SLC2A9: variants seen among roughly 807,000 people sequenced by gnomAD.
The protein encoded by SLC2A9 is solute carrier family 2 member 9, also known as solute carrier family 2, facilitated glucose transporter member 9.
SLC2A9 carries 39 observed loss-of-function variants against 50.6 expected under a neutral mutation model. The observed-to-expected ratio is 0.77, with a 90% CI of 0.60 to 1.01. SLC2A9 has a LOEUF of 1.01. SLC2A9 is among the 50% of genes least tolerant of loss of function. The probability of loss-of-function intolerance (pLI) is 0.00; values close to 1 mark genes in which losing one functional copy is unlikely to be tolerated. For missense variants in SLC2A9, 686 were observed against 677.6 expected, an observed-to-expected ratio of 1.01 and a Z score of -0.14; for synonymous variants, 324 against 276.9, an observed-to-expected ratio of 1.17 and a Z score of -1.69.
At chr4:9,946,984 C>T (rs1749296792) in intron 5 of SLC2A9, among the ~76,000 whole-genome samples, 3 of 152,316 alleles carry the variant, frequency 2.0e-5, no homozygotes, top group East Asian at 3.9e-4. Context: ...TCCCATACCC[C>T]TTCCTCCAAG....
At chr4:9,835,301 G>A (rs974093139) in intron 10 of SLC2A9, among the ~76,000 whole-genome samples, 3 of 108,898 alleles carry the variant, frequency 2.8e-5, no homozygotes. Flanking sequence ...AAACTCACAT[G>A]TGGTCTCAGG....
chr4:9,899,972 C>T (rs1288194962), intron 8 of SLC2A9, among the ~76,000 whole-genome samples: 5 of 152,152 alleles, frequency 3.3e-5, no homozygotes, highest in African/African-American at 4.8e-5. Flanking sequence ...CCCCCTCATG[C>T]TCTTACTCTT....
At chr4:9,782,188 G>T in intron 3 of SLC2A9, 3 of 1,606,808 alleles carry the variant, frequency 1.9e-6, no homozygotes, top group Non-Finnish European at 2.6e-6. Flanking sequence ...TCATCATCTG[G>T]ACCCTGCTGG....
rs776161015 is a variant in SLC2A9 at position 9,783,289 on chromosome 4, C to T, written n.386-3224G>A. 4.3e-6 allele frequency: 7 copies of T among 1,614,106 alleles called. No individual in the cohort carries two copies. The Admixed American group carries it at 5.0e-5, about 12-fold the overall frequency. On this transcript the variant is annotated intron_variant and non_coding_transcript_variant, in intron 3 of 3. Coordinates refer to the SLC2A9 transcript ENST00000503803. ...ACATGATGCCCAACGCCGTTACCCC[C>T]GGCAACCGGGAGGTGGACAACGACG...
intron 10 of SLC2A9, among the ~76,000 whole-genome samples, chr4:9,845,477 T>A (rs1248373455): frequency 7.1e-6 from 1 of 139,974 alleles, no homozygotes; most frequent in African/African-American, 2.8e-5. Context: ...TCGCCCAGGC[T>A]GGAGTGCAGT....
At chr4:9,846,728 C>T (rs1560185449) in intron 10 of SLC2A9, among the ~76,000 whole-genome samples, 1 of 152,146 alleles carries the variant, frequency 6.6e-6, no homozygotes, top group Non-Finnish European at 1.5e-5. Flanking sequence ...AACTCTTGCC[C>T]AAGTAACCAG....
chr4:9,958,331 T>G (rs576502009), intron 5 of SLC2A9, among the ~76,000 whole-genome samples: 1 of 152,348 alleles, frequency 6.6e-6, no homozygotes, highest in South Asian at 2.1e-4. Context: ...GATGAGTTCA[T>G]GTACTTTGCA....
At chr4:9,988,004 AGC>A (rs1757037102) in intron 3 of SLC2A9, among the ~76,000 whole-genome samples, 1 of 152,258 alleles carries the variant, frequency 6.6e-6, no homozygotes, top group South Asian at 2.1e-4. Context: ...GGGAGATAGC[AGC>A]CACTGGGAGA....
At chr4:9,879,717 A>C in intron 10 of SLC2A9, 1 of 985,390 alleles carries the variant, frequency 1.0e-6, no homozygotes. Context: ...CTCCCCATAG[A>C]GGACTTAACT....
chr4:9,909,958 T>C (rs1741395998), intron 7 of SLC2A9, among the ~76,000 whole-genome samples: 1 of 152,264 alleles, frequency 6.6e-6, no homozygotes, highest in Non-Finnish European at 1.5e-5. Flanking sequence ...CTCTTGTTTC[T>C]ATAGATCTGT....
Position 10,012,233 on chromosome 4 carries a change from G to A in SLC2A9, c.249+6742C>T, listed in dbSNP as rs543701529. Among the ~76,000 whole-genome samples the A allele has an allele frequency of 2.0e-5, 3 of 152,310 alleles. No individual in the cohort carries two copies. In the South Asian group the frequency reaches 6.2e-4, roughly 32 times the overall value. ...TCAGCCTAGTGGAACAGAAAGAAGG[G>A]ATACTCAGGAATTAGACAGACCAGT... On this transcript the variant is annotated intron_variant, in intron 2 of 11. Transcript: ENST00000264784.
chr4:9,975,318 C>G (rs1754607904), intron 5 of SLC2A9, among the ~76,000 whole-genome samples: 1 of 152,108 alleles, frequency 6.6e-6, no homozygotes, highest in Non-Finnish European at 1.5e-5. Flanking sequence ...AACAGACAAC[C>G]TATGGAATGG....
intron 6 of SLC2A9, among the ~76,000 whole-genome samples, chr4:9,938,096 A>C (rs529685152): frequency 2.6e-5 from 4 of 152,324 alleles, no homozygotes; most frequent in Admixed American, 6.5e-5. Context: ...AAGTGAATTA[A>C]ATTGGCATTG....
At chr4:9,925,157 C>T (rs974202403) in intron 6 of SLC2A9, among the ~76,000 whole-genome samples, 2 of 152,248 alleles carry the variant, frequency 1.3e-5, no homozygotes, top group Non-Finnish European at 2.9e-5. Context: ...GGCCTTGCCT[C>T]TGTGCCCTGC....
chr4:9,891,608 A>G (rs147595841), intron 8 of SLC2A9, among the ~76,000 whole-genome samples: 25 of 152,324 alleles, frequency 1.6e-4, no homozygotes, highest in African/African-American at 5.5e-4. Context: ...CATGCTCCAT[A>G]TCACAAAAAG....
intron 6 of SLC2A9, among the ~76,000 whole-genome samples, chr4:9,928,836 C>T (rs544750169): frequency 8.5e-5 from 13 of 152,074 alleles, no homozygotes; most frequent in African/African-American, 1.9e-4. Flanking sequence ...AAACATATTC[C>T]GAATGAAAAG....
intron 10 of SLC2A9, among the ~76,000 whole-genome samples, chr4:9,857,210 C>T (rs537756937): frequency 6.6e-6 from 1 of 152,290 alleles, no homozygotes; most frequent in East Asian, 1.9e-4. Context: ...AACCTGGGTT[C>T]CCACTCATTC....
At chr4:10,021,190 A>T in intron 1 of SLC2A9, 90 bp downstream of exon 1, 1 of 1,371,576 alleles carries the variant, frequency 7.3e-7, no homozygotes, top group South Asian at 1.2e-5. Flanking sequence ...ACACGCTGCC[A>T]GGCTGGGGCT....
At chr4:9,773,830 C>T (rs190741176) in intron 1 of SLC2A9, among the ~76,000 whole-genome samples, 1 of 152,240 alleles carries the variant, frequency 6.6e-6, no homozygotes, top group East Asian at 1.9e-4. Flanking sequence ...CCACTACTTA[C>T]TCAAAACCAC....
Sources: allele counts gnomAD v4.1 joint callset (sites outside exome capture counted in the v4.1 genomes callset), GRCh38; gene constraint gnomAD v4.1.1; transcripts MANE v1.5; gene names NCBI Gene and HGNC (gene_info 2026-07-23, HGNC 2026-07-21).